Variants in CACNB2 observed in about 807,000 individuals in gnomAD.
CACNB2 encodes calcium voltage-gated channel auxiliary subunit beta 2, also known as voltage-dependent L-type calcium channel subunit beta-2.
Under a neutral mutation model 73.3 loss-of-function variants are expected in CACNB2, and 42 were observed. That is an observed-to-expected ratio of 0.57 (90% confidence interval 0.45 to 0.74). CACNB2 has a LOEUF of 0.74. Among genes scored for constraint, CACNB2 ranks in the 30% least tolerant of loss-of-function variants. The probability of loss-of-function intolerance (pLI) is 0.00; values close to 1 mark genes in which losing one functional copy is unlikely to be tolerated. For missense variants in CACNB2, 940 were observed against 853.0 expected (o/e 1.10, Z -1.27); for synonymous variants, 348 against 310.3 (o/e 1.12, Z -1.28).
At chr10:18,332,768 T>C (rs527932961) in intron 2 of CACNB2, among the ~76,000 whole-genome samples, 1 of 152,306 alleles carries the variant, frequency 6.6e-6, no homozygotes, top group East Asian at 1.9e-4. Flanking sequence ...GGAGAAATAT[T>C]GAAACATTAT....
Position 18,539,424 on chromosome 10 carries a change from G to C in CACNB2, c.1683G>C (p.Glu561Asp). Residue 561 changes from glutamate to aspartate, a missense_variant, in exon 14 of 14, where the codon GAG becomes GAC. By Grantham distance (45) the Glu-to-Asp change is conservative. Coordinates refer to ENST00000324631, the MANE Select transcript of CACNB2 (RefSeq NM_201596.3). The stretch of plus-strand genomic sequence containing the variant: ...AGACATTTGACTCGGAAACCCAGGA[G>C]AGTCGAGACTCTGCCTACGTAGAGC... ...RQETFDSETQESRDSAYVEPK... is the reference protein window; with the variant it reads ...RQETFDSETQDSRDSAYVEPK... The C allele has an allele frequency of 1.2e-6, 2 of 1,614,066 alleles. No individual in the cohort carries two copies. Among genetic ancestry groups the C allele is most frequent in the African/African-American group, 1.3e-5 (1 of 75,010 alleles).
chr10:18,424,312 G>A (rs186030851), intron 3 of CACNB2, among the ~76,000 whole-genome samples: 1 of 152,224 alleles, frequency 6.6e-6, no homozygotes, highest in Non-Finnish European at 1.5e-5. Flanking sequence ...AGTAACAGCT[G>A]AGGGGAGTTT....
intron 2 of CACNB2, among the ~76,000 whole-genome samples, chr10:18,161,015 T>A (rs61844172): frequency 0.31 from 47,715 of 151,994 alleles, 7,576 homozygotes; most frequent in East Asian, 0.36. Flanking sequence ...AAAGGAATGG[T>A]GTCTCCCCCT....
At chr10:18,389,468 A>G (rs1056315013) in intron 2 of CACNB2, among the ~76,000 whole-genome samples, 1 of 152,178 alleles carries the variant, frequency 6.6e-6, no homozygotes, top group Non-Finnish European at 1.5e-5. Context: ...ACGTGAATGT[A>G]TGTATATATA....
intron 4 of CACNB2, among the ~76,000 whole-genome samples, chr10:18,499,717 C>T (rs1168347472): frequency 1.3e-5 from 2 of 148,382 alleles, no homozygotes; most frequent in Non-Finnish European, 3.0e-5. Flanking sequence ...TACTATGGCT[C>T]ATGCTTCCAA....
chr10:18,161,757 C>G (rs1247311174), intron 2 of CACNB2, among the ~76,000 whole-genome samples: 2 of 151,732 alleles, frequency 1.3e-5, no homozygotes, highest in African/African-American at 4.8e-5. Context: ...AACCCTGTCT[C>G]TACTAAAAAT....
chr10:18,477,883 T>G (rs2048519885), intron 3 of CACNB2, among the ~76,000 whole-genome samples: 1 of 152,170 alleles, frequency 6.6e-6, no homozygotes, highest in Non-Finnish European at 1.5e-5. Flanking sequence ...ATGGCTCAGC[T>G]TTCAGCTTCA....
chr10:18,517,038 A>G (rs2051351395), intron 7 of CACNB2, among the ~76,000 whole-genome samples: 1 of 152,248 alleles, frequency 6.6e-6, no homozygotes. Flanking sequence ...GTGAATTCAA[A>G]TGAAGCCAGA....
rs377245682 is a variant in CACNB2, at chr10:18,478,318, C to T, written c.334-20037C>T. Among the ~76,000 whole-genome samples the T allele has an allele frequency of 7.7e-4, 118 of 152,312 alleles. 2 individuals carry two copies. The East Asian group carries it at 0.016, about 20-fold the overall frequency. On this transcript the variant is annotated intron_variant, in intron 3 of 13. Transcript: ENST00000324631. The stretch of plus-strand genomic sequence containing the variant: ...AACCACCAGGGTAGAACCCTGACTT[C>T]TATTTGACCACAGCTCACCATTCTT...
chr10:18,263,531 T>C (rs2037652864), intron 2 of CACNB2, among the ~76,000 whole-genome samples: 1 of 152,210 alleles, frequency 6.6e-6, no homozygotes, highest in South Asian at 2.1e-4. Context: ...GTAATATAAA[T>C]CAATTGATAA....
At position 18,361,987 on chromosome 10, in the gene CACNB2, T is replaced by A. The variant is rs56159019; in HGVS notation, c.214-39937T>A. On this transcript the variant is annotated intron_variant, in intron 2 of 13. Coordinates refer to ENST00000324631, the MANE Select transcript of CACNB2 (RefSeq NM_201596.3). Reference sequence around the variant, plus strand: ...ACTTCCATATTATTACTGCTACACATTTTTTTATATTTTTTATATTTTGTA... The same window carrying A: ...ACTTCCATATTATTACTGCTACACAATTTTTTATATTTTTTATATTTTGTA... Among the ~76,000 whole-genome samples the A allele has an allele frequency of 2.4e-3, 362 of 152,274 alleles. 1 individual carries two copies. Among genetic ancestry groups the A allele is most frequent in the Non-Finnish European group, 3.8e-3 (261 of 68,004 alleles).
At chr10:18,398,318 G>T (rs2043816177) in intron 2 of CACNB2, among the ~76,000 whole-genome samples, 1 of 152,034 alleles carries the variant, frequency 6.6e-6, no homozygotes, top group Non-Finnish European at 1.5e-5. Flanking sequence ...GACTTTCAGG[G>T]GATCGTTATT....
At chr10:18,232,502 A>G (rs774301929) in intron 2 of CACNB2, among the ~76,000 whole-genome samples, 8 of 152,308 alleles carry the variant, frequency 5.3e-5, no homozygotes, top group African/African-American at 1.7e-4. Context: ...CATGGTTTGC[A>G]GTGTTTAATA....
chr10:18,307,962 G>A (rs1368897615), intron 2 of CACNB2, among the ~76,000 whole-genome samples: 1 of 126,274 alleles, frequency 7.9e-6, no homozygotes, highest in Non-Finnish European at 1.6e-5. Context: ...GATAACTTAA[G>A]TCTAAAATAA....
In CACNB2 at chr10:18,506,561, A is replaced by C. The variant is rs1441692266; in HGVS notation, c.670+14A>C. ...CTCCATCATCTGGTAAGTAGGTGAT[A>C]AATGCTGAATAATACATACTGCATT... is the stretch of plus-strand genomic sequence containing the variant. On this transcript the variant is annotated intron_variant, in intron 6 of 13. Transcript: ENST00000324631. The C allele has an allele frequency of 1.3e-6, 2 of 1,502,742 alleles. No homozygotes were observed. Among genetic ancestry groups the C allele is most frequent in the Non-Finnish European group, 1.9e-6 (2 of 1,078,894 alleles). 93.1% of individuals were successfully genotyped at this position (1,502,742 alleles called of 1,614,324 possible). A position where few individuals can be genotyped will look rare whatever the true frequency, so the allele number is the denominator to read the frequency against.
chr10:18,250,352 A>T (rs2037039637), intron 2 of CACNB2, among the ~76,000 whole-genome samples: 1 of 152,198 alleles, frequency 6.6e-6, no homozygotes, highest in Non-Finnish European at 1.5e-5. Flanking sequence ...AACGGGCTTC[A>T]TCCATAGGCA....
intron 6 of CACNB2, 58 bp downstream of exon 6, chr10:18,506,605 T>C: frequency 3.6e-6 from 4 of 1,112,916 alleles, no homozygotes; most frequent in Non-Finnish European, 5.5e-6. Context: ...TCCCCAGCTC[T>C]ATCCAGTTTT....
At chr10:18,407,841 T>C (rs530220558) in intron 3 of CACNB2, among the ~76,000 whole-genome samples, 151 of 152,346 alleles carry the variant, frequency 9.9e-4, no homozygotes, top group South Asian at 8.1e-3. Context: ...TTTTATTCCA[T>C]AGCCATAATA....
At chr10:18,284,194 G>A (rs956503707) in intron 2 of CACNB2, among the ~76,000 whole-genome samples, 3 of 152,164 alleles carry the variant, frequency 2.0e-5, no homozygotes, top group Admixed American at 2.0e-4. Flanking sequence ...CGTCTTACGT[G>A]GATAGTTAAC....
Sources: gnomAD v4.1 joint callset for allele counts (sites outside exome capture counted in the v4.1 genomes callset) on GRCh38, gnomAD v4.1.1 for gene constraint, MANE v1.5 for transcripts, NCBI Gene and HGNC (gene_info 2026-07-23, HGNC 2026-07-21) for gene names.